The following TTC39C variants were observed in gnomAD, a reference collection of about 807,000 sequenced individuals.
The protein encoded by TTC39C is tetratricopeptide repeat protein 39C.
A neutral mutation model predicts 76.3 loss-of-function variants in TTC39C; 33 were observed. The observed-to-expected ratio is 0.43, with a 90% CI of 0.33 to 0.58. The LOEUF is 0.58. Ranked by LOEUF, TTC39C falls within the 20% of genes least tolerant of loss-of-function variation. The pLI, the probability that TTC39C is intolerant of heterozygous loss-of-function variation, is 0.04. For missense variants in TTC39C, 595 were observed against 701.4 expected, an observed-to-expected ratio of 0.85 and a Z score of 1.71; for synonymous variants, 254 against 260.6, an observed-to-expected ratio of 0.97 and a Z score of 0.24.
intron 1 of TTC39C, among the ~76,000 whole-genome samples, chr18:24,018,953 G>C (rs1192085105): frequency 1.3e-5 from 2 of 152,062 alleles, no homozygotes; most frequent in Non-Finnish European, 2.9e-5. Flanking sequence ...TTTGCTACTG[G>C]GTGTCTCGTC....
intron 1 of TTC39C, among the ~76,000 whole-genome samples, chr18:24,016,998 T>C (rs1481796725): frequency 6.6e-6 from 1 of 152,198 alleles, no homozygotes; most frequent in Non-Finnish European, 1.5e-5. Flanking sequence ...ACACAAACAC[T>C]ATAGTTCTAA....
intron 1 of TTC39C, among the ~76,000 whole-genome samples, chr18:24,002,157 A>G (rs1281525042): frequency 6.6e-6 from 1 of 152,052 alleles, no homozygotes; most frequent in African/African-American, 2.4e-5. Flanking sequence ...GTGCCTTCCC[A>G]TAGGACCCAG....
intron 1 of TTC39C, among the ~76,000 whole-genome samples, chr18:24,039,875 T>C (rs1398967219): frequency 6.6e-6 from 1 of 151,940 alleles, no homozygotes; most frequent in African/African-American, 2.4e-5. Flanking sequence ...GGAGGAGGAA[T>C]TGAGGATGTT....
Position 24,134,597 on chromosome 18 carries a change from TGGAA to T in TTC39C, c.*2026_*2029del, listed in dbSNP as rs1360749247. 2 of 152,174 alleles carry T rather than the reference TGGAA, an allele frequency of 1.3e-5. No individual in the cohort carries two copies. The highest frequency in any genetic ancestry group is 4.8e-5 in the African/African-American group (2 of 41,514). The allele number at this position is 152,174 out of a possible 1,614,324, so 9.4% of individuals were successfully genotyped here. A position where few individuals can be genotyped will look rare whatever the true frequency, so the allele number is the denominator to read the frequency against. On this transcript the variant is annotated 3_prime_UTR_variant, in exon 14 of 14. Transcript: ENST00000317571. Reference sequence around the variant, plus strand: ...GCCTGGACATCTGGTTTTAACTAGATGGAAGGGAAGAACATTATGAATCTTTAAA... The same window carrying T: ...GCCTGGACATCTGGTTTTAACTAGATGGGAAGAACATTATGAATCTTTAAA...
In TTC39C at chr18:24,027,148, C is replaced by T. The variant is rs1418905985; in HGVS notation, c.167+12110C>T. On this transcript the variant is annotated intron_variant, in intron 1 of 13. Transcript: ENST00000317571. ...CTCTACTAAAAATACAAAAATTAGCCGAGCGTGGTGGTGGGTGCCTGTAGT... is the reference window on the plus strand; with the variant it reads ...CTCTACTAAAAATACAAAAATTAGCTGAGCGTGGTGGTGGGTGCCTGTAGT... 5.3e-5 allele frequency among the ~76,000 whole-genome samples: 8 copies of T among 151,974 alleles called. No individual in the cohort carries two copies. In the East Asian group the frequency reaches 1.2e-3, roughly 22 times the overall value.
At chr18:24,003,650 T>C (rs1439597970) in intron 1 of TTC39C, among the ~76,000 whole-genome samples, 1 of 151,758 alleles carries the variant, frequency 6.6e-6, no homozygotes, top group East Asian at 1.9e-4. Context: ...ACTATTTTTA[T>C]GGCCCTTGTA....
intron 6 of TTC39C, among the ~76,000 whole-genome samples, chr18:24,111,609 G>A (rs1211758306): frequency 6.6e-6 from 1 of 150,426 alleles, no homozygotes; most frequent in Admixed American, 6.6e-5. Flanking sequence ...AATTTTTTTG[G>A]TGAGACTGGG....
chr18:24,131,381 G>T (rs2085127069), intron 12 of TTC39C, among the ~76,000 whole-genome samples: 1 of 151,936 alleles, frequency 6.6e-6, no homozygotes, highest in Non-Finnish European at 1.5e-5. Flanking sequence ...TATATATCAA[G>T]TAATGTCCTC....
At chr18:24,111,963 G>C (rs1341983469) in intron 6 of TTC39C, among the ~76,000 whole-genome samples, 1 of 151,040 alleles carries the variant, frequency 6.6e-6, no homozygotes, top group African/African-American at 2.4e-5. Flanking sequence ...TATTTCAACT[G>C]TGTTAATGGC....
intron 1 of TTC39C, chr18:24,020,434 C>A: frequency 2.2e-6 from 1 of 455,024 alleles, no homozygotes; most frequent in Non-Finnish European, 2.9e-6. Context: ...TACAAATACA[C>A]AATGCGAAAG....
chr18:24,135,076 C>T lies in TTC39C; in HGVS notation c.*2502C>T, dbSNP rs1370591293. ...GGAGTGCAGTGGTGTGATCTGTGCT[C>T]ACTGCAACCTCTGTCACCCGGGTTT... On this transcript the variant is annotated 3_prime_UTR_variant, in exon 14 of 14. Coordinates refer to ENST00000317571, the MANE Select transcript of TTC39C (RefSeq NM_001135993.2). 3 of 152,072 alleles carry T rather than the reference C, an allele frequency of 2.0e-5. No homozygotes were observed. Among genetic ancestry groups the T allele is most frequent in the Admixed American group, 2.0e-4 (3 of 15,276 alleles). 9.4% of individuals were successfully genotyped at this position (152,072 alleles called of 1,614,324 possible).
At chr18:24,009,053 G>T (rs1032999705) in intron 1 of TTC39C, among the ~76,000 whole-genome samples, 1 of 152,146 alleles carries the variant, frequency 6.6e-6, no homozygotes, top group African/African-American at 2.4e-5. Flanking sequence ...CTGCTTGAGG[G>T]TAGAGGCTGG....
chr18:24,064,064 T>A, intron 1 of TTC39C, 76 bp from the exon 2 acceptor site: 1 of 1,583,544 alleles, frequency 6.3e-7, no homozygotes, highest in Non-Finnish European at 8.6e-7. Context: ...AATCATGATA[T>A]GTCAAATGCT....
chr18:24,053,281 C>T (rs1228475221), intron 1 of TTC39C, among the ~76,000 whole-genome samples: 1 of 147,338 alleles, frequency 6.8e-6, no homozygotes, highest in African/African-American at 2.5e-5. Context: ...CCATTTATCA[C>T]TTCCAAGACA....
chr18:23,999,057 G>A (rs7506119), intron 1 of TTC39C, among the ~76,000 whole-genome samples: 141,631 of 152,234 alleles, frequency 0.93, 66,579 homozygotes, highest in East Asian at 1. Context: ...TGATATTTTC[G>A]TAACATACCC....
At chr18:24,048,218 G>C (rs2145706044) in intron 1 of TTC39C, among the ~76,000 whole-genome samples, 1 of 152,324 alleles carries the variant, frequency 6.6e-6, no homozygotes, top group Middle Eastern at 3.4e-3. Flanking sequence ...ATTTGCGTGA[G>C]ACTAATAAAC....
At chr18:24,071,469 T>C (rs1037252537) in intron 4 of TTC39C, among the ~76,000 whole-genome samples, 3 of 152,226 alleles carry the variant, frequency 2.0e-5, no homozygotes, top group African/African-American at 7.2e-5. Flanking sequence ...CAAGTCATCA[T>C]CTCCAATTTC....
chr18:24,106,773 C>G (rs2084749345), intron 6 of TTC39C, among the ~76,000 whole-genome samples: 1 of 152,188 alleles, frequency 6.6e-6, no homozygotes. Context: ...CAACCTCCAC[C>G]TCCTGGGTTC....
intron 6 of TTC39C, among the ~76,000 whole-genome samples, chr18:24,094,237 C>G (rs1302882267): frequency 6.6e-6 from 1 of 152,210 alleles, no homozygotes; most frequent in Non-Finnish European, 1.5e-5. Context: ...CCTGCGATTG[C>G]AACAAGTCAG....
Sources: allele counts gnomAD v4.1 joint callset (sites outside exome capture counted in the v4.1 genomes callset), GRCh38; gene constraint gnomAD v4.1.1; transcripts MANE v1.5; gene names NCBI Gene and HGNC (gene_info 2026-07-23, HGNC 2026-07-21).